Variants in MEX3C observed in about 807,000 individuals in gnomAD.
The protein encoded by MEX3C is mex-3 RNA binding family member C.
Under a neutral mutation model 35.5 loss-of-function variants are expected in MEX3C, and 15 were observed. The ratio of observed to expected loss-of-function variants is 0.42; its 90% confidence interval spans 0.28 to 0.65. The LOEUF (loss-of-function observed/expected upper bound fraction) is 0.65. Among genes scored for constraint, MEX3C ranks in the 30% least tolerant of loss-of-function variants. The pLI, the probability that MEX3C is intolerant of heterozygous loss-of-function variation, is 0.20. For missense variants in MEX3C, 711 were observed against 842.8 expected (o/e 0.84, Z 1.94); for synonymous variants, 390 against 352.8 (o/e 1.11, Z -1.18).
intron 1 of MEX3C, chr18:51,196,169 G>C (rs1599259253): frequency 3.7e-6 from 1 of 271,582 alleles, no homozygotes; most frequent in African/African-American, 2.3e-5. Context: ...AACGCTTTTA[G>C]AAGACACTCG....
chr18:51,185,233 T>C (rs1912512665), intron 1 of MEX3C, among the ~76,000 whole-genome samples: 1 of 152,258 alleles, frequency 6.6e-6, no homozygotes, highest in Non-Finnish European at 1.5e-5. Context: ...GTGAAAGGAC[T>C]GAGTGTCCTT....
At chr18:51,186,173 T>C (rs552071812) in intron 1 of MEX3C, among the ~76,000 whole-genome samples, 17 of 152,294 alleles carry the variant, frequency 1.1e-4, no homozygotes, top group South Asian at 2.1e-4. Flanking sequence ...ATAAAGATGC[T>C]AGTGCTACTT....
intron 1 of MEX3C, among the ~76,000 whole-genome samples, chr18:51,180,941 A>G (rs1912414840): frequency 6.6e-6 from 1 of 152,248 alleles, no homozygotes; most frequent in South Asian, 2.1e-4. Context: ...CTGAGTTCCA[A>G]ACAACTAACA....
intron 1 of MEX3C, among the ~76,000 whole-genome samples, chr18:51,180,244 T>C (rs1220445010): frequency 6.6e-6 from 1 of 152,154 alleles, no homozygotes; most frequent in African/African-American, 2.4e-5. Flanking sequence ...TATTATTAAC[T>C]GAGGAAATAT....
rs1599248343 is a variant in MEX3C at position 51,176,200 on chromosome 18, CT to C, written c.*150del. The C allele has an allele frequency of 1.3e-6, 1 of 767,868 alleles. No individual in the cohort carries two copies. The allele number at this position is 767,868 out of a possible 1,614,324, so 47.6% of individuals were successfully genotyped here. ...TTAGGTTTAGTGTTACCATAGCAGC[CT>C]TTTATAAGTTTACTAACAACTTTAG... On this transcript the variant is annotated 3_prime_UTR_variant, in exon 2 of 2. Transcript: ENST00000406189.
chr18:51,177,266 C>A lies in MEX3C; in HGVS notation c.1065G>T (p.Gln355His). 3 of 1,613,988 alleles carry A rather than the reference C, an allele frequency of 1.9e-6. No individual in the cohort carries two copies. The highest frequency in any genetic ancestry group is 2.5e-6 in the Non-Finnish European group (3 of 1,179,898). The change falls in exon 2 of 2, where the codon CAG (glutamine) becomes CAT (histidine). Residue 355 changes from glutamine to histidine, a missense_variant. This residue lies in a region of MEX3C where 83 missense variants were observed against 179.1 expected (regional missense o/e 0.46). Transcript: ENST00000406189. This position sits in a 1 kb window ranked among gnomAD's most constrained non-coding sequence, Gnocchi z 4.2. ...TCGGAGTTACTATGTAGGTGTGGGT[C>A]TGCTGCTGAATTCTTTTAATAGTTG... is the stretch of plus-strand genomic sequence containing the variant. ...KGATIKRIQQ[Q>H]THTYIVTPSR...
chr18:51,181,933 C>T (rs1232137318), intron 1 of MEX3C, among the ~76,000 whole-genome samples: 2 of 152,076 alleles, frequency 1.3e-5, no homozygotes, highest in Non-Finnish European at 2.9e-5. Flanking sequence ...ATTGATTAGA[C>T]GTTTGGTTAG....
intron 1 of MEX3C, among the ~76,000 whole-genome samples, chr18:51,185,899 T>C (rs1027947400): frequency 1.3e-5 from 2 of 151,816 alleles, no homozygotes; most frequent in African/African-American, 4.8e-5. Flanking sequence ...CCCCTCTCTA[T>C]AATAAACAAA....
At chr18:51,196,252 T>C (rs1042846082) in intron 1 of MEX3C, 3 of 461,194 alleles carry the variant, frequency 6.5e-6, no homozygotes, top group Non-Finnish European at 1.1e-5. Flanking sequence ...CCCGACCTTT[T>C]ACCACCTCAC....
Position 51,197,183 on chromosome 18 carries a change from G to A in MEX3C, c.138C>T (p.Leu46=), listed in dbSNP as rs2144563744. The part of the protein sequence containing the change: ...SGGPELEGDG[L]LLRERLAALG... ...GCGCGGCCAAGCGCTCCCTCAGCAG[G>A]AGCCCGTCCCCCTCGAGCTCCGGGC... is the stretch of plus-strand genomic sequence containing the variant. Residue 46 remains leucine (L), a synonymous_variant, in exon 1 of 2, where the codon CTC becomes CTT. Coordinates refer to ENST00000406189, the MANE Select transcript of MEX3C (RefSeq NM_016626.5). The A allele has an allele frequency of 9.7e-6, 10 of 1,033,928 alleles. No individual in the cohort carries two copies. Among genetic ancestry groups the A allele is most frequent in the East Asian group, 9.4e-5 (1 of 10,598 alleles). The allele number at this position is 1,033,928 out of a possible 1,614,324, so 64.0% of individuals were successfully genotyped here. A position where few individuals can be genotyped will look rare whatever the true frequency, so the allele number is the denominator to read the frequency against.
At chr18:51,196,306 G>A in intron 1 of MEX3C, 1 of 717,774 alleles carries the variant, frequency 1.4e-6, no homozygotes, top group Non-Finnish European at 2.1e-6. Flanking sequence ...CACGAATACA[G>A]CCCAAGTAAC....
intron 1 of MEX3C, among the ~76,000 whole-genome samples, chr18:51,184,409 G>A (rs1461703141): frequency 6.6e-6 from 1 of 152,138 alleles, no homozygotes; most frequent in East Asian, 1.9e-4. Context: ...AGCAGTAACT[G>A]TTACAAAGTA....
intron 1 of MEX3C, chr18:51,192,968 T>G (rs758087369): frequency 1.3e-5 from 2 of 152,174 alleles, no homozygotes; most frequent in African/African-American, 2.4e-5. Context: ...AAGAGAAAAT[T>G]TATGTACAGC....
Position 51,177,176 on chromosome 18 carries a change from T to C in MEX3C, c.1155A>G (p.Glu385=). The C allele has an allele frequency of 1.9e-6, 3 of 1,613,788 alleles. No homozygotes were observed. Among genetic ancestry groups the C allele is most frequent in the Non-Finnish European group, 2.5e-6 (3 of 1,179,896 alleles). The change falls in exon 2 of 2, where the codon GAA becomes GAG. Residue 385 remains glutamate (E), a synonymous_variant. Transcript: ENST00000406189. This position sits in a 1 kb window ranked among gnomAD's most constrained non-coding sequence, Gnocchi z 4.2. ...GCATGGCAATATGCATTTCTATTTC[T>C]TCCCGTGCTCGGTCAACATTTTCAG... The part of the protein sequence containing the change: ...GMPENVDRAR[E]EIEMHIAMRT...
chr18:51,190,419 T>G (rs989601932), intron 1 of MEX3C, among the ~76,000 whole-genome samples: 3 of 152,242 alleles, frequency 2.0e-5, no homozygotes, highest in Non-Finnish European at 2.9e-5. Flanking sequence ...AGCCATTCCC[T>G]CCCCACTTCC....
In MEX3C at chr18:51,196,859, G is replaced by C; in HGVS notation, c.462C>G (p.Thr154=). ...CCAGGGACCCGCCCGGGATCTGCTG[G>C]GTCTGAGAGGCGGTGGCCGCGGGCG... ...LSPPAATASQ[T]QQIPGGSLGS... is the part of the protein sequence containing the mutation. Residue 154 remains threonine (T), a synonymous_variant, in exon 1 of 2, where the codon ACC becomes ACG. Transcript: ENST00000406189. 2 of 1,539,136 alleles carry C rather than the reference G, an allele frequency of 1.3e-6. No homozygotes were observed. Among genetic ancestry groups the C allele is most frequent in the Non-Finnish European group, 1.7e-6 (2 of 1,145,586 alleles).
intron 1 of MEX3C, chr18:51,194,275 C>G (rs1412403525): frequency 6.6e-6 from 1 of 152,190 alleles, no homozygotes; most frequent in East Asian, 1.9e-4. Flanking sequence ...ACCAGATTTT[C>G]TGCTTTTAAG....
rs1384870224 is a variant in MEX3C at position 51,196,977 on chromosome 18, C to G, written c.344G>C (p.Gly115Ala). ...GTCTCCGTCCAGCTCCGCTTCCTCCCCCTCCTCCTCGTCCTCTTCCAGCTC... is the reference window on the plus strand; with the variant it reads ...GTCTCCGTCCAGCTCCGCTTCCTCCGCCTCCTCCTCGTCCTCTTCCAGCTC... ...ELELEEDEEEGEEAELDGDLL... is the reference protein window; with the variant it reads ...ELELEEDEEEAEEAELDGDLL... Residue 115 changes from glycine to alanine, a missense_variant, in exon 1 of 2, where the codon GGG becomes GCG. Transcript: ENST00000406189. 2 of 1,538,946 alleles carry G rather than the reference C, an allele frequency of 1.3e-6. No homozygotes were observed. Among genetic ancestry groups the G allele is most frequent in the Non-Finnish European group, 1.7e-6 (2 of 1,144,718 alleles).
intron 1 of MEX3C, chr18:51,192,988 C>G (rs1434075040): frequency 6.6e-6 from 1 of 152,184 alleles, no homozygotes; most frequent in Admixed American, 6.5e-5. Flanking sequence ...CAAGACCAAG[C>G]TTTCTCTTTT....
Sources: gnomAD v4.1 joint callset for allele counts (sites outside exome capture counted in the v4.1 genomes callset) on GRCh38, gnomAD v4.1.1 for gene constraint, gnomAD v4.1.1 regional missense constraint, Gnocchi (gnomAD v3.1) non-coding constraint, MANE v1.5 for transcripts, NCBI Gene and HGNC (gene_info 2026-07-23, HGNC 2026-07-21) for gene names.